COBL: variants seen among roughly 807,000 people sequenced by gnomAD.
COBL encodes cordon-bleu WH2 repeat protein.
In COBL, 51 loss-of-function variants were observed where a neutral mutation model predicts 98.8. The ratio of observed to expected loss-of-function variants is 0.52; its 90% CI spans 0.41 to 0.65. The LOEUF (loss-of-function observed/expected upper bound fraction) is 0.65, where lower values mean the gene tolerates loss of function less well. Among genes scored for constraint, COBL ranks in the 30% least tolerant of loss-of-function variants. The pLI is 0.00. For missense variants in COBL, 1,617 were observed against 1,617.5 expected, an observed-to-expected ratio of 1.00 and a Z score of 0.01; for synonymous variants, 634 against 651.7, an observed-to-expected ratio of 0.97 and a Z score of 0.41.
At chr7:51,064,042 C>T (rs1482552535) in intron 7 of COBL, among the ~76,000 whole-genome samples, 1 of 152,212 alleles carries the variant, frequency 6.6e-6, no homozygotes, top group Non-Finnish European at 1.5e-5. Context: ...AGCACCCTTT[C>T]TGCCCCATCC....
At chr7:51,128,345 A>C (rs1301821735) in intron 6 of COBL, among the ~76,000 whole-genome samples, 1 of 152,208 alleles carries the variant, frequency 6.6e-6, no homozygotes, top group Admixed American at 6.5e-5. Context: ...TATGCACAGC[A>C]AAGTAAGTGG....
chr7:51,208,675 AAAG>A (rs1336494578), intron 2 of COBL, among the ~76,000 whole-genome samples: 1 of 152,200 alleles, frequency 6.6e-6, no homozygotes, highest in Non-Finnish European at 1.5e-5. Flanking sequence ...GTCTGTGTAG[AAAG>A]AAGTAGACAT....
At chr7:51,297,286 GTTAAC>G (rs1801500226) in intron 1 of COBL, among the ~76,000 whole-genome samples, 1 of 151,828 alleles carries the variant, frequency 6.6e-6, no homozygotes, top group Non-Finnish European at 1.5e-5. Flanking sequence ...CACACCAGGT[GTTAAC>G]TGGGACTGTC....
intron 7 of COBL, chr7:51,072,158 T>A (rs78035809): frequency 2.6e-5 from 4 of 152,092 alleles, no homozygotes; most frequent in Non-Finnish European, 5.9e-5. Context: ...TTTTTTTTTT[T>A]CCATTTTGAG....
chr7:51,082,370 G>A (rs1470549810), intron 7 of COBL, among the ~76,000 whole-genome samples: 1 of 152,212 alleles, frequency 6.6e-6, no homozygotes, highest in African/African-American at 2.4e-5. Flanking sequence ...ATGCCATGGA[G>A]TGTAGAGAGT....
intron 2 of COBL, among the ~76,000 whole-genome samples, chr7:51,196,136 G>C (rs1281423586): frequency 6.6e-6 from 1 of 152,092 alleles, no homozygotes; most frequent in African/African-American, 2.4e-5. Context: ...CTGTGAATTT[G>C]TCATATATGG....
At chr7:51,260,997 T>C (rs936536618) in intron 1 of COBL, among the ~76,000 whole-genome samples, 1 of 152,142 alleles carries the variant, frequency 6.6e-6, no homozygotes. Context: ...CCTTCTCCAT[T>C]GCCCATCTCT....
chr7:51,293,509 A>G (rs1459273377), intron 1 of COBL, among the ~76,000 whole-genome samples: 2 of 152,156 alleles, frequency 1.3e-5, no homozygotes, highest in Admixed American at 6.5e-5. Flanking sequence ...AAACAGATCA[A>G]TGGTGGTTGA....
At chr7:51,085,620 T>C (rs546677026) in intron 6 of COBL, among the ~76,000 whole-genome samples, 2 of 152,314 alleles carry the variant, frequency 1.3e-5, no homozygotes, top group South Asian at 4.1e-4. Context: ...GTTGGTAAAC[T>C]TCCCTGTCAC....
chr7:51,115,913 A>G (rs1797233627), intron 6 of COBL, among the ~76,000 whole-genome samples: 1 of 152,130 alleles, frequency 6.6e-6, no homozygotes, highest in Non-Finnish European at 1.5e-5. Flanking sequence ...ACATACACAT[A>G]TATATGAGTA....
At chr7:51,057,927 C>T (rs775656663) in intron 7 of COBL, among the ~76,000 whole-genome samples, 5 of 152,148 alleles carry the variant, frequency 3.3e-5, no homozygotes, top group Non-Finnish European at 7.3e-5. Flanking sequence ...CCTCTTATTA[C>T]GGATACCCTC....
chr7:51,048,555 T>C (rs993530869), intron 7 of COBL, among the ~76,000 whole-genome samples: 9 of 152,176 alleles, frequency 5.9e-5, no homozygotes, highest in Non-Finnish European at 1.2e-4. Context: ...TTTTAGAGCA[T>C]GTCTCTTCTT....
At chr7:51,256,762 A>T (rs969898479) in intron 1 of COBL, among the ~76,000 whole-genome samples, 22 of 152,344 alleles carry the variant, frequency 1.4e-4, no homozygotes, top group African/African-American at 5.3e-4. Flanking sequence ...AAATGATGAT[A>T]GGTGCTCTAA....
At chr7:51,280,757 CA>C (rs1799749164) in intron 1 of COBL, among the ~76,000 whole-genome samples, 1 of 152,140 alleles carries the variant, frequency 6.6e-6, no homozygotes, top group African/African-American at 2.4e-5. Flanking sequence ...AAGAACTGAA[CA>C]GACCACCACC....
intron 1 of COBL, among the ~76,000 whole-genome samples, chr7:51,306,453 T>C (rs1802483613): frequency 6.6e-6 from 1 of 152,164 alleles, no homozygotes; most frequent in Admixed American, 6.5e-5. Flanking sequence ...AGGAAGCTCG[T>C]TTATTGAACA....
intron 3 of COBL, among the ~76,000 whole-genome samples, chr7:51,193,003 TTAGA>T (rs1790260068): frequency 6.6e-6 from 1 of 152,196 alleles, no homozygotes; most frequent in Non-Finnish European, 1.5e-5. Flanking sequence ...CATGAATATT[TTAGA>T]TATTTAAGTT....
chr7:51,277,189 A>G (rs1307523829), intron 1 of COBL, among the ~76,000 whole-genome samples: 2 of 152,204 alleles, frequency 1.3e-5, no homozygotes, highest in Non-Finnish European at 2.9e-5. Context: ...ACACATGCGC[A>G]GGGACCCAAG....
chr7:51,188,879 C>T (rs905614887), intron 4 of COBL, among the ~76,000 whole-genome samples: 3 of 152,224 alleles, frequency 2.0e-5, no homozygotes, highest in Admixed American at 6.5e-5. Flanking sequence ...CCAGGTTCAA[C>T]ATCTACCTTT....
chr7:51,297,378 T>C (rs907659534), intron 1 of COBL, among the ~76,000 whole-genome samples: 3 of 149,562 alleles, frequency 2.0e-5, no homozygotes, highest in Admixed American at 6.8e-5. Context: ...CTAAGTTTCA[T>C]CATTTTGAAA....
Sources: allele counts gnomAD v4.1 joint callset (sites outside exome capture counted in the v4.1 genomes callset), GRCh38; gene constraint gnomAD v4.1.1; transcripts MANE v1.5; gene names NCBI Gene and HGNC (gene_info 2026-07-23, HGNC 2026-07-21).